The following MAEL variants were observed in gnomAD, a reference collection of about 807,000 sequenced individuals.
The protein encoded by MAEL is maelstrom spermatogenic transposon silencer.
Under a neutral mutation model 62.0 loss-of-function variants are expected in MAEL, and 46 were observed. That is an observed-to-expected ratio of 0.74 (90% CI 0.59 to 0.95). The LOEUF is 0.95. MAEL is among the 40% of genes least tolerant of loss of function. MAEL has a pLI of 0.00. For synonymous variants in MAEL, 172 were observed against 175.5 expected (o/e 0.98, Z 0.16); for missense variants, 497 against 526.8 (o/e 0.94, Z 0.55).
intron 5 of MAEL, among the ~76,000 whole-genome samples, chr1:166,996,542 A>G (rs1664434563): frequency 6.6e-6 from 1 of 152,272 alleles, no homozygotes; most frequent in Non-Finnish European, 1.5e-5. Context: ...TATTTAAGGT[A>G]TAACGAACAT....
chr1:167,015,689 T>C (rs1040047144), intron 8 of MAEL, among the ~76,000 whole-genome samples: 7 of 152,326 alleles, frequency 4.6e-5, no homozygotes, highest in African/African-American at 1.4e-4. Flanking sequence ...CAGTGTTACC[T>C]TTCATTGACA....
upstream of MAEL, among the ~76,000 whole-genome samples, chr1:166,985,429 C>T (rs1213028308): frequency 3.3e-5 from 5 of 152,176 alleles, no homozygotes; most frequent in African/African-American, 1.2e-4. Context: ...AAAGAAAGAA[C>T]AACCTGAAAG....
Position 166,991,378 on chromosome 1 carries a change from A to G in MAEL, c.226A>G (p.Lys76Glu). The G allele has an allele frequency of 2.5e-6, 4 of 1,603,746 alleles. No homozygotes were observed. Among genetic ancestry groups the G allele is most frequent in the Non-Finnish European group, 3.4e-6 (4 of 1,170,780 alleles). Reference sequence around the variant, plus strand: ...GGCCAATCATTCTCTTCCTCTTTAGAAACCTGTTTTCACACCACTGAGGAG... The same window carrying G: ...GGCCAATCATTCTCTTCCTCTTTAGGAACCTGTTTTCACACCACTGAGGAG... Reference protein sequence around the residue: ...GKDPGPSEKQKPVFTPLRRPG... With the variant: ...GKDPGPSEKQEPVFTPLRRPG... Residue 76 changes from lysine to glutamate, a missense_variant and splice_region_variant, in exon 3 of 12, where the codon AAA (lysine) becomes GAA (glutamate). Physicochemically the swap from Lys to Glu is moderately conservative, Grantham distance 56 (BLOSUM62 1). Coordinates refer to ENST00000367872, the MANE Select transcript of MAEL (RefSeq NM_032858.3).
intron 8 of MAEL, chr1:167,012,644 C>G (rs1665215696): frequency 6.6e-6 from 1 of 152,170 alleles, no homozygotes; most frequent in Non-Finnish European, 1.5e-5. Flanking sequence ...ACAAGACACT[C>G]TGACAGAGAA....
At chr1:167,010,342 T>C (rs12131832) in intron 8 of MAEL, among the ~76,000 whole-genome samples, 61,173 of 151,664 alleles carry the variant, frequency 0.4, 13,442 homozygotes, top group African/African-American at 0.6. Context: ...AACAGACTAA[T>C]ACAGTAATGT....
chr1:167,009,745 A>G lies in MAEL; in HGVS notation c.845+4348A>G, dbSNP rs1036266012. Among the ~76,000 whole-genome samples, 3 of 151,702 alleles carry G rather than the reference A, an allele frequency of 2.0e-5. No homozygotes were observed. In the East Asian group the frequency reaches 5.8e-4, roughly 29 times the overall value. The stretch of plus-strand genomic sequence containing the variant: ...CCTTTTTACTTTGTTTATTCTCATG[A>G]TAGTTTCTGCTTTCTTCAGTTTCTC... On this transcript the variant is annotated intron_variant, in intron 8 of 11. Coordinates refer to ENST00000367872, the MANE Select transcript of MAEL (RefSeq NM_032858.3).
chr1:167,006,601 C>CCATATA lies in MAEL; in HGVS notation c.845+1204_845+1205insCATATA, dbSNP rs1295162731. ...CTATTGGAAAGTTACTGGTTTTTTA[C>CCATATA]TATATATATATATATATATATATAT... is the stretch of plus-strand genomic sequence containing the variant. On this transcript the variant is annotated intron_variant, in intron 8 of 11. Transcript: ENST00000367872. 4.7e-3 allele frequency among the ~76,000 whole-genome samples: 465 copies of CCATATA among 98,036 alleles called. 26 individuals are homozygous for CCATATA. Among genetic ancestry groups the CCATATA allele is most frequent in the African/African-American group, 0.015 (435 of 28,800 alleles). 64.3% of individuals were successfully genotyped at this position (98,036 alleles called of 152,430 possible). A position where few individuals can be genotyped will look rare whatever the true frequency, so the allele number is the denominator to read the frequency against.
At chr1:167,003,504 C>T (rs1039831080) in intron 5 of MAEL, among the ~76,000 whole-genome samples, 5 of 152,150 alleles carry the variant, frequency 3.3e-5, no homozygotes, top group African/African-American at 1.2e-4. Flanking sequence ...TTTGTGTTTG[C>T]TTAAGATACC....
At chr1:166,996,102 A>C (rs1664412627) in intron 5 of MAEL, among the ~76,000 whole-genome samples, 1 of 152,234 alleles carries the variant, frequency 6.6e-6, no homozygotes, top group African/African-American at 2.4e-5. Flanking sequence ...AAATGTGCCA[A>C]TTAAATAAGA....
At chr1:166,987,964 T>C (rs1430034673), upstream of MAEL, among the ~76,000 whole-genome samples, 1 of 152,172 alleles carries the variant, frequency 6.6e-6, no homozygotes, top group East Asian at 1.9e-4. Context: ...CTATATTATG[T>C]TTTTTAAAAA....
chr1:167,017,716 A>T (rs1159278458), intron 9 of MAEL, 111 bp from the exon 10 acceptor site: 4 of 920,110 alleles, frequency 4.3e-6, no homozygotes, highest in Non-Finnish European at 6.1e-6. Context: ...ATTTTTTCCC[A>T]GTTTATAACA....
Position 167,016,243 on chromosome 1 carries a change from T to C in MAEL, c.867T>C (p.Asn289=), listed in dbSNP as rs753758122. 2 of 1,613,640 alleles carry C rather than the reference T, an allele frequency of 1.2e-6. No individual in the cohort carries two copies. The highest frequency in any genetic ancestry group is 1.7e-6 in the Non-Finnish European group (2 of 1,179,760). Residue 289 remains asparagine, a synonymous_variant, in exon 9 of 12, where the codon AAT becomes AAC. Transcript: ENST00000367872. Reference sequence around the variant, plus strand: ...ACAGGTGCAAGTGGCATGAAGAAAATGATATTCTCTTCTGTGCTTTAGCTG... The same window carrying C: ...ACAGGTGCAAGTGGCATGAAGAAAACGATATTCTCTTCTGTGCTTTAGCTG... ...SNTRCKWHEE[N]DILFCALAVC...
chr1:167,003,978 GACAC>G (rs1212560872), intron 5 of MAEL, among the ~76,000 whole-genome samples, 198 bp from the exon 6 acceptor site: 2 of 151,924 alleles, frequency 1.3e-5, no homozygotes, highest in South Asian at 2.1e-4. Flanking sequence ...TACACACACA[GACAC>G]ACACACATCA....
chr1:167,018,159 C>T (rs1251559480), intron 10 of MAEL, among the ~76,000 whole-genome samples, 200 bp downstream of exon 10: 1 of 152,064 alleles, frequency 6.6e-6, no homozygotes, highest in Non-Finnish European at 1.5e-5. Flanking sequence ...TGGTATATTT[C>T]CTACCAATTT....
intron 1 of MAEL, 100 bp downstream of exon 1, chr1:166,989,584 C>T: frequency 6.6e-7 from 1 of 1,509,860 alleles, no homozygotes; most frequent in Non-Finnish European, 8.9e-7. Context: ...GGCGGCTTGG[C>T]CCTGCCAGAG....
chr1:167,017,984 G>T, intron 10 of MAEL, 25 bp downstream of exon 10: 1 of 1,609,974 alleles, frequency 6.2e-7, no homozygotes, highest in Non-Finnish European at 8.5e-7. Context: ...TTTAAGAGCT[G>T]CTGGTCTCTT....
intron 5 of MAEL, among the ~76,000 whole-genome samples, chr1:166,997,406 G>A (rs934018339): frequency 2.6e-5 from 4 of 152,102 alleles, no homozygotes; most frequent in African/African-American, 4.8e-5. Flanking sequence ...TTTTCTTACT[G>A]ATTTGAGGAA....
At chr1:167,015,950 G>T (rs1200545805) in intron 8 of MAEL, among the ~76,000 whole-genome samples, 1 of 152,130 alleles carries the variant, frequency 6.6e-6, no homozygotes, top group African/African-American at 2.4e-5. Context: ...TTTGTTGAAT[G>T]AGTGCATTTT....
intron 1 of MAEL, among the ~76,000 whole-genome samples, chr1:166,979,416 C>G (rs1435582387): frequency 1.3e-5 from 2 of 151,468 alleles, no homozygotes; most frequent in South Asian, 2.1e-4. Context: ...CCCAGAAAAC[C>G]AAGGAACTAA....
Sources: allele counts gnomAD v4.1 joint callset (sites outside exome capture counted in the v4.1 genomes callset), GRCh38; gene constraint gnomAD v4.1.1; transcripts MANE v1.5; gene names NCBI Gene and HGNC (gene_info 2026-07-23, HGNC 2026-07-21).